The following CFAP300 variants were observed in gnomAD, a reference collection of about 807,000 sequenced individuals.
The protein encoded by CFAP300 is cilia- and flagella-associated protein 300.
A neutral mutation model predicts 33.0 loss-of-function variants in CFAP300; 32 were observed. That is an observed-to-expected ratio of 0.97 (90% CI 0.73 to 1.30). The LOEUF (loss-of-function observed/expected upper bound fraction) is 1.30. CFAP300 is among the 50% of genes most tolerant of loss of function. The pLI is 0.00. For missense variants in CFAP300, 356 were observed against 318.1 expected, an observed-to-expected ratio of 1.12 and a Z score of -0.90; for synonymous variants, 102 against 106.8, an observed-to-expected ratio of 0.95 and a Z score of 0.28.
At chr11:102,070,218 A>C (rs1942291850) in intron 4 of CFAP300, among the ~76,000 whole-genome samples, 1 of 152,178 alleles carries the variant, frequency 6.6e-6, no homozygotes, top group Non-Finnish European at 1.5e-5. Flanking sequence ...TTAAGTATGG[A>C]CTGCTTTCCC....
At chr11:102,079,025 C>T (rs962742297) in intron 5 of CFAP300, among the ~76,000 whole-genome samples, 3 of 152,138 alleles carry the variant, frequency 2.0e-5, no homozygotes, top group Admixed American at 6.5e-5. Flanking sequence ...ACTTGTGGTA[C>T]ATGTTTATAT....
chr11:102,055,818 G>A lies in CFAP300; in HGVS notation c.193-3062G>A, dbSNP rs181931596. 1.1e-3 allele frequency among the ~76,000 whole-genome samples: 172 copies of A among 151,704 alleles called. 1 individual carries two copies. The highest frequency in any genetic ancestry group is 3.6e-3 in the African/African-American group (148 of 41,338). On this transcript the variant is annotated intron_variant, in intron 2 of 6. Transcript: ENST00000434758. Reference sequence around the variant, plus strand: ...CTCCCGAGTAGCTGGGACTACAGGCGCCCGCCACCACGCCCAGATAATTTT... The same window carrying A: ...CTCCCGAGTAGCTGGGACTACAGGCACCCGCCACCACGCCCAGATAATTTT...
At chr11:102,051,990 A>G (rs1941978464) in intron 2 of CFAP300, among the ~76,000 whole-genome samples, 2 of 152,256 alleles carry the variant, frequency 1.3e-5, no homozygotes, top group African/African-American at 2.4e-5. Context: ...GTTGATATAC[A>G]GAAAATCTCT....
rs1241934904 is a variant in CFAP300, at chr11:102,083,186, G to C, written c.791G>C (p.Gly264Ala). The stretch of plus-strand genomic sequence containing the variant: ...GTTTTATACCACTGTTATGGTGTGG[G>C]AGACATGTCTTAATGTTCTTTCAGA... Reference protein sequence around the residue: ...LHVLYHCYGVGDMS With the variant: ...LHVLYHCYGVADMS Residue 264 changes from glycine to alanine, a missense_variant, in exon 7 of 7, where the codon GGA (glycine) becomes GCA (alanine). By Grantham distance (60) the Gly-to-Ala change is moderately conservative. Transcript: ENST00000434758. The C allele has an allele frequency of 8.6e-6, 13 of 1,512,882 alleles. No homozygotes were observed. Among genetic ancestry groups the C allele is most frequent in the Non-Finnish European group, 1.2e-5 (13 of 1,125,288 alleles). The allele number at this position is 1,512,882 out of a possible 1,614,324, so 93.7% of individuals were successfully genotyped here. A position where few individuals can be genotyped will look rare whatever the true frequency, so the allele number is the denominator to read the frequency against.
Position 102,048,608 on chromosome 11 carries a change from C to T in CFAP300, c.192+712C>T, listed in dbSNP as rs181529017. 3.5e-4 allele frequency among the ~76,000 whole-genome samples: 54 copies of T among 152,304 alleles called. No individual in the cohort carries two copies. In the East Asian group the frequency reaches 8.7e-3, roughly 24 times the overall value. On this transcript the variant is annotated intron_variant, in intron 2 of 6. Transcript: ENST00000434758. The stretch of plus-strand genomic sequence containing the variant: ...ACTTTCGATTTTTTTCTCAACATCA[C>T]ACCCACTCTGAGAACTGGGCTTCAG...
chr11:102,081,877 C>T (rs1416822562), intron 6 of CFAP300, among the ~76,000 whole-genome samples: 8 of 128,152 alleles, frequency 6.2e-5, no homozygotes, highest in African/African-American at 1.8e-4. Context: ...GGCAACAGAG[C>T]GAGACTCCAT....
At chr11:102,072,640 A>C (rs1343476161) in intron 4 of CFAP300, among the ~76,000 whole-genome samples, 1 of 152,028 alleles carries the variant, frequency 6.6e-6, no homozygotes, top group Non-Finnish European at 1.5e-5. Flanking sequence ...TAGCTCATAA[A>C]TTTATTTTTT....
At chr11:102,055,465 C>T (rs1256072459) in intron 2 of CFAP300, among the ~76,000 whole-genome samples, 1 of 149,698 alleles carries the variant, frequency 6.7e-6, no homozygotes, top group Non-Finnish European at 1.5e-5. Context: ...TTTAGCAGCC[C>T]TCCTAACTCA....
intron 3 of CFAP300, among the ~76,000 whole-genome samples, chr11:102,060,653 C>T (rs749277944): frequency 1.2e-4 from 18 of 152,000 alleles, no homozygotes; most frequent in South Asian, 6.2e-4. Context: ...ATAAAAGCAA[C>T]GTTCCATTTA....
At chr11:102,072,186 T>G (rs2135041687) in intron 4 of CFAP300, among the ~76,000 whole-genome samples, 1 of 152,184 alleles carries the variant, frequency 6.6e-6, no homozygotes, top group South Asian at 2.1e-4. Context: ...TTTCTCTTTT[T>G]TTTTTGTCTG....
intron 4 of CFAP300, among the ~76,000 whole-genome samples, chr11:102,070,901 T>G (rs1308884788): frequency 6.6e-6 from 1 of 152,218 alleles, no homozygotes; most frequent in East Asian, 1.9e-4. Context: ...CATTGCAGTA[T>G]GAGAAGATAC....
chr11:102,083,205 T>C lies in CFAP300; in HGVS notation c.*6T>C. The C allele has an allele frequency of 6.8e-7, 1 of 1,475,266 alleles. No individual in the cohort carries two copies. Among genetic ancestry groups the C allele is most frequent in the Non-Finnish European group, 9.1e-7 (1 of 1,102,620 alleles). The allele number at this position is 1,475,266 out of a possible 1,614,324, so 91.4% of individuals were successfully genotyped here. On this transcript the variant is annotated 3_prime_UTR_variant, in exon 7 of 7. Coordinates refer to ENST00000434758, the MANE Select transcript of CFAP300 (RefSeq NM_032930.3). ...GTGTGGGAGACATGTCTTAATGTTC[T>C]TTCAGATTATGTACCTCTACTATTT...
At chr11:102,050,398 C>G (rs4366456) in intron 2 of CFAP300, among the ~76,000 whole-genome samples, 15,997 of 152,216 alleles carry the variant, frequency 0.11, 1,110 homozygotes, top group African/African-American at 0.18. Context: ...AAACTCACTA[C>G]TGAACAGAGG....
chr11:102,072,721 T>G (rs1016964100), intron 4 of CFAP300, among the ~76,000 whole-genome samples: 4 of 152,370 alleles, frequency 2.6e-5, no homozygotes, highest in East Asian at 3.9e-4. Context: ...TTCATATTTC[T>G]TGTGTCCTTA....
intron 2 of CFAP300, among the ~76,000 whole-genome samples, chr11:102,048,824 CA>C: frequency 6.6e-6 from 1 of 151,110 alleles, no homozygotes; most frequent in East Asian, 1.9e-4. Flanking sequence ...TTTTTCTCCT[CA>C]ATCAAATGGA....
Position 102,051,102 on chromosome 11 carries a change from T to G in CFAP300, c.192+3206T>G, listed in dbSNP as rs531063133. 2.0e-5 allele frequency among the ~76,000 whole-genome samples: 3 copies of G among 152,296 alleles called. No individual in the cohort carries two copies. The East Asian group carries it at 5.8e-4, about 29-fold the overall frequency. The stretch of plus-strand genomic sequence containing the variant: ...GGACATGTAGGATGACTCCCAAGTT[T>G]CTGGCTTGGTTGACTCGAGTGGCTG... On this transcript the variant is annotated intron_variant, in intron 2 of 6. Coordinates refer to ENST00000434758, the MANE Select transcript of CFAP300 (RefSeq NM_032930.3).
chr11:102,082,023 A>G (rs1191410097), intron 6 of CFAP300, among the ~76,000 whole-genome samples: 1 of 152,128 alleles, frequency 6.6e-6, no homozygotes, highest in Non-Finnish European at 1.5e-5. Context: ...TCACTTAACA[A>G]GTATTTATTA....
At chr11:102,083,007 A>G in intron 6 of CFAP300, 64 bp from the exon 7 acceptor site, 1 of 910,330 alleles carries the variant, frequency 1.1e-6, no homozygotes, top group Non-Finnish European at 1.4e-6. Flanking sequence ...AAAAAATAAT[A>G]ATAATAAATA....
At chr11:102,077,104 A>G (rs1379233947) in intron 5 of CFAP300, among the ~76,000 whole-genome samples, 2 of 151,752 alleles carry the variant, frequency 1.3e-5, no homozygotes, top group African/African-American at 4.9e-5. Context: ...ACACACACGC[A>G]CTCATGCACG....
Sources: allele counts gnomAD v4.1 joint callset (sites outside exome capture counted in the v4.1 genomes callset), GRCh38; gene constraint gnomAD v4.1.1; transcripts MANE v1.5; gene names NCBI Gene and HGNC (gene_info 2026-07-23, HGNC 2026-07-21).